Variants in AGTPBP1 observed in about 807,000 individuals in gnomAD.
The protein encoded by AGTPBP1 is cytosolic carboxypeptidase 1.
Under a neutral mutation model 143.9 loss-of-function variants are expected in AGTPBP1, and 70 were observed. The observed-to-expected ratio is 0.49, with a 90% CI of 0.40 to 0.59. AGTPBP1 has a LOEUF of 0.59. Ranked by LOEUF, AGTPBP1 falls within the 20% of genes least tolerant of loss-of-function variation. The pLI is 0.00. For missense variants in AGTPBP1, 1,229 were observed against 1,464.5 expected (o/e 0.84, Z 2.62); for synonymous variants, 463 against 500.2 (o/e 0.93, Z 0.99).
chr9:85,621,203 T>C lies in AGTPBP1; in HGVS notation c.2098A>G (p.Asn700Asp). ...DRVVYDLDNP[N>D]YTIPEEGDIL... ...AAGTTCATTAAAATCAAGACTTACT[T>C]TGGGTTATCCAAGTCATATACCACA... Residue 700 changes from asparagine to aspartate, a missense_variant and splice_region_variant, in exon 15 of 26, where the codon AAT becomes GAT. By Grantham distance (23) the Asn-to-Asp change is conservative (BLOSUM62 1). This residue lies in a region of AGTPBP1 where 486 missense variants were observed against 652.3 expected (regional missense o/e 0.75). Transcript: ENST00000357081. 1 of 1,446,422 alleles carries C rather than the reference T, an allele frequency of 6.9e-7. No individual in the cohort carries two copies. Among genetic ancestry groups the C allele is most frequent in the Non-Finnish European group, 9.1e-7 (1 of 1,099,656 alleles). 89.6% of individuals were successfully genotyped at this position (1,446,422 alleles called of 1,614,324 possible).
chr9:85,618,723 A>G (rs1830737131), intron 17 of AGTPBP1, among the ~76,000 whole-genome samples: 1 of 152,174 alleles, frequency 6.6e-6, no homozygotes, highest in South Asian at 2.1e-4. Flanking sequence ...ATCGGAGTAT[A>G]CATAATAAAC....
the AGTPBP1 span, among the ~76,000 whole-genome samples, chr9:85,804,545 C>G: frequency 3.3e-5 from 5 of 152,190 alleles, no homozygotes; most frequent in African/African-American, 1.2e-4. Flanking sequence ...AAGGTATCTT[C>G]AACTCCCCTC....
At chr9:85,779,294 T>G in the AGTPBP1 span, among the ~76,000 whole-genome samples, 1 of 150,864 alleles carries the variant, frequency 6.6e-6, no homozygotes, top group Admixed American at 6.6e-5. Context: ...TATCTATATC[T>G]CTATATATAT....
chr9:85,720,282 G>A (rs921952977), intron 1 of AGTPBP1, among the ~76,000 whole-genome samples: 7 of 152,116 alleles, frequency 4.6e-5, no homozygotes, highest in Admixed American at 6.5e-5. Context: ...CTGTGAATCC[G>A]TCTGGTCCCG....
intron 25 of AGTPBP1, 87 bp from the exon 26 acceptor site, chr9:85,547,373 T>G: frequency 8.7e-7 from 1 of 1,142,956 alleles, no homozygotes; most frequent in South Asian, 2.3e-5. Context: ...GGACTAACTT[T>G]GATTCCAATA....
At position 85,658,822 on chromosome 9, in the gene AGTPBP1, G is replaced by A. The variant is rs1256974565; in HGVS notation, c.701-1179C>T. Among the ~76,000 whole-genome samples, 10 of 152,250 alleles carry A rather than the reference G, an allele frequency of 6.6e-5. No individual in the cohort carries two copies. In the East Asian group the frequency reaches 1.9e-3, roughly 29 times the overall value. On this transcript the variant is annotated intron_variant, in intron 9 of 25. Coordinates refer to ENST00000357081, the MANE Select transcript of AGTPBP1 (RefSeq NM_001330701.2). ...CTACGGAAAAGATTTCTTATGTGAA[G>A]GCTTTAAACCCAGTATTGTGTCTAC...
intron 25 of AGTPBP1, among the ~76,000 whole-genome samples, chr9:85,562,173 A>G (rs1211214862): frequency 6.6e-6 from 1 of 152,080 alleles, no homozygotes; most frequent in East Asian, 1.9e-4. Context: ...AGTTAAGAGA[A>G]TAAAACCAAT....
intron 8 of AGTPBP1, among the ~76,000 whole-genome samples, chr9:85,665,167 T>C (rs527413012): frequency 4.6e-5 from 7 of 152,192 alleles, no homozygotes; most frequent in Admixed American, 3.9e-4. Flanking sequence ...ATGTAACTAG[T>C]TAAGGCAAGG....
At chr9:85,599,471 C>T (rs1164524468) in intron 17 of AGTPBP1, among the ~76,000 whole-genome samples, 1 of 152,142 alleles carries the variant, frequency 6.6e-6, no homozygotes, top group Non-Finnish European at 1.5e-5. Context: ...TCACGCTTTT[C>T]AATTCTACTT....
intron 19 of AGTPBP1, 149 bp from the exon 20 acceptor site, chr9:85,589,830 C>T: frequency 1.3e-6 from 1 of 761,600 alleles, no homozygotes; most frequent in Non-Finnish European, 2.0e-6. Flanking sequence ...GTAGCCTAAA[C>T]ATCAGTGTTT....
the AGTPBP1 span, among the ~76,000 whole-genome samples, chr9:85,759,046 G>C: frequency 1.8e-4 from 27 of 152,070 alleles, no homozygotes; most frequent in Admixed American, 8.5e-4. Flanking sequence ...AATGGTAAAG[G>C]GATCAATTCA....
At chr9:85,722,376 C>T (rs541321620) in intron 1 of AGTPBP1, among the ~76,000 whole-genome samples, 1 of 152,268 alleles carries the variant, frequency 6.6e-6, no homozygotes, top group East Asian at 1.9e-4. Flanking sequence ...TTTCTTTTCA[C>T]TCTTTTTTCT....
chr9:85,612,696 G>A (rs1035199783), intron 17 of AGTPBP1, among the ~76,000 whole-genome samples: 6 of 152,094 alleles, frequency 3.9e-5, no homozygotes, highest in African/African-American at 1.4e-4. Context: ...GCAGTCGTGG[G>A]AGACTGAGTC....
rs10481763 is a variant in AGTPBP1 at position 85,563,740 on chromosome 9, A to G, written c.3503+11575T>C. Among the ~76,000 whole-genome samples the G allele has an allele frequency of 7.7e-3, 1,173 of 152,344 alleles. 13 individuals are homozygous for G. The highest frequency in any genetic ancestry group is 0.026 in the African/African-American group (1,100 of 41,588). ...AGAGCCAGGAGCTATTGTCCAAGACAAGAAAAGAACGACCACCCTCCCTGA... is the reference window on the plus strand; with the variant it reads ...AGAGCCAGGAGCTATTGTCCAAGACGAGAAAAGAACGACCACCCTCCCTGA... On this transcript the variant is annotated intron_variant, in intron 25 of 25. Coordinates refer to ENST00000357081, the MANE Select transcript of AGTPBP1 (RefSeq NM_001330701.2).
chr9:85,768,858 G>C, the AGTPBP1 span, among the ~76,000 whole-genome samples: 1 of 151,042 alleles, frequency 6.6e-6, no homozygotes, highest in Non-Finnish European at 1.5e-5. Context: ...AGACCAGCCT[G>C]GCCAATGTTG....
intron 3 of AGTPBP1, among the ~76,000 whole-genome samples, chr9:85,686,937 A>C (rs1049511561): frequency 1.3e-5 from 2 of 152,198 alleles, no homozygotes; most frequent in African/African-American, 4.8e-5. Flanking sequence ...GGAAGCACTA[A>C]AACACTCAGA....
intron 25 of AGTPBP1, among the ~76,000 whole-genome samples, chr9:85,570,545 T>A (rs1329540221): frequency 1.3e-5 from 2 of 152,206 alleles, no homozygotes; most frequent in Admixed American, 6.5e-5. Flanking sequence ...TCTATGTAAT[T>A]TTTAACTGTT....
rs377613496 is a variant in AGTPBP1, at chr9:85,591,969, A to G, written c.2568+591T>C. Among the ~76,000 whole-genome samples, 45 of 152,212 alleles carry G rather than the reference A, an allele frequency of 3.0e-4. 1 individual carries two copies. The highest frequency in any genetic ancestry group is 1.1e-3 in the African/African-American group (44 of 41,576). On this transcript the variant is annotated intron_variant, in intron 19 of 25. Coordinates refer to ENST00000357081, the MANE Select transcript of AGTPBP1 (RefSeq NM_001330701.2). The stretch of plus-strand genomic sequence containing the variant: ...TTTTGGTTTTTAGTTTCATTTTGCT[A>G]TATTCAAAATCTCAAAAGGTTTCAC...
chr9:85,630,911 C>T (rs1053885043), intron 14 of AGTPBP1, among the ~76,000 whole-genome samples: 57 of 152,118 alleles, frequency 3.7e-4, no homozygotes, highest in African/African-American at 1.2e-3. Context: ...CATTCCAGGC[C>T]GGCTGTAACA....
Sources: gnomAD v4.1 joint callset for allele counts (sites outside exome capture counted in the v4.1 genomes callset) on GRCh38, gnomAD v4.1.1 for gene constraint, gnomAD v4.1.1 regional missense constraint, MANE v1.5 for transcripts, NCBI Gene and HGNC (gene_info 2026-07-23, HGNC 2026-07-21) for gene names.